The following CEP76 variants were observed in gnomAD, a reference collection of about 807,000 sequenced individuals.
CEP76 encodes the protein centrosomal protein of 76 kDa.
A neutral mutation model predicts 83.3 loss-of-function variants in CEP76; 55 were observed. That is an observed-to-expected ratio of 0.66 (90% CI 0.53 to 0.83). The LOEUF (loss-of-function observed/expected upper bound fraction) is 0.83. Ranked by LOEUF, CEP76 falls within the 40% of genes least tolerant of loss-of-function variation. CEP76 has a pLI of 0.00. For missense variants in CEP76, 694 were observed against 799.5 expected (o/e 0.87, Z 1.59); for synonymous variants, 270 against 274.5 (o/e 0.98, Z 0.16).
chr18:12,675,288 T>C (rs1013209490), intron 10 of CEP76, among the ~76,000 whole-genome samples: 2 of 151,900 alleles, frequency 1.3e-5, no homozygotes, highest in East Asian at 1.9e-4. Flanking sequence ...CCCAGCTACT[T>C]GGGAGGCTGA....
In CEP76 at chr18:12,691,453, T is replaced by C; in HGVS notation, c.839A>G (p.Glu280Gly). 1 of 1,605,916 alleles carries C rather than the reference T, an allele frequency of 6.2e-7. No individual in the cohort carries two copies. Among genetic ancestry groups the C allele is most frequent in the South Asian group, 1.1e-5 (1 of 88,780 alleles). The change falls in exon 7 of 12, where the codon GAG (glutamate) becomes GGG (glycine). Residue 280 changes from glutamate to glycine, a missense_variant. Transcript: ENST00000262127. The stretch of plus-strand genomic sequence containing the variant: ...CTTAGCATATACAAGAAATAATCGC[T>C]CTTTCTCTGCAGTTTTCTGACGTTC... ...ALERQKTAEK[E>G]RLFLVYAKQW...
chr18:12,688,493 G>A (rs1318250643), intron 7 of CEP76, among the ~76,000 whole-genome samples: 2 of 152,108 alleles, frequency 1.3e-5, no homozygotes, highest in Non-Finnish European at 2.9e-5. Context: ...AAGAAAAGAT[G>A]AGCACATAAG....
Position 12,697,427 on chromosome 18 carries a change from C to A in CEP76, c.521-19G>T. 3 of 1,535,114 alleles carry A rather than the reference C, an allele frequency of 2.0e-6. No individual in the cohort carries two copies. In the South Asian group the frequency reaches 3.6e-5, roughly 18 times the overall value. On this transcript the variant is annotated intron_variant, in intron 4 of 11. Coordinates refer to ENST00000262127, the MANE Select transcript of CEP76 (RefSeq NM_024899.4). ...CCATCACCTAGCAATATAATCCAAA[C>A]GAAATTATACCACACTACATATTCA...
chr18:12,689,356 C>T (rs1681368699), intron 7 of CEP76, among the ~76,000 whole-genome samples: 2 of 152,074 alleles, frequency 1.3e-5, no homozygotes, highest in African/African-American at 4.8e-5. Context: ...AAAGAGGTGG[C>T]ATAAACCAAA....
At chr18:12,696,232 G>A (rs113487925) in intron 5 of CEP76, among the ~76,000 whole-genome samples, 8,170 of 152,134 alleles carry the variant, frequency 0.054, 672 homozygotes, top group African/African-American at 0.18. Context: ...CTGGCTGGGC[G>A]CGGTGACTCA....
chr18:12,673,398 G>A lies in CEP76; in HGVS notation c.1947C>T (p.Ile649=). The A allele has an allele frequency of 6.2e-7, 1 of 1,606,384 alleles. No homozygotes were observed. The highest frequency in any genetic ancestry group is 8.5e-7 in the Non-Finnish European group (1 of 1,177,390). The stretch of plus-strand genomic sequence containing the variant: ...CCGAGCGATATTTACAAGCAAACAT[G>A]ATCCAAACAGCACATGCAGATTCAG... ...TYPESACAVW[I]MFACKYRSVL Residue 649 remains isoleucine, a synonymous_variant, in exon 12 of 12, where the codon ATC becomes ATT. Transcript: ENST00000262127.
At chr18:12,690,284 A>G (rs559895566) in intron 7 of CEP76, among the ~76,000 whole-genome samples, 1 of 152,322 alleles carries the variant, frequency 6.6e-6, no homozygotes, top group East Asian at 1.9e-4. Context: ...CTGTTCCAAA[A>G]TCTAGGGAAA....
At chr18:12,678,466 A>T in intron 9 of CEP76, 24 bp from the exon 10 acceptor site, 1 of 1,473,718 alleles carries the variant, frequency 6.8e-7, no homozygotes, top group Non-Finnish European at 9.2e-7. Context: ...ATAATTTTAT[A>T]TATGAGAACT....
chr18:12,674,457 AGG>A, intron 11 of CEP76, 77 bp downstream of exon 11: 1 of 996,864 alleles, frequency 1.0e-6, no homozygotes. Flanking sequence ...AAAAAAAAAA[AGG>A]AAATTAAAAA....
chr18:12,699,185 C>T lies in CEP76; in HGVS notation c.314G>A (p.Arg105Gln), dbSNP rs759808698. 45 of 1,612,616 alleles carry T rather than the reference C, an allele frequency of 2.8e-5. No homozygotes were observed. Among genetic ancestry groups the T allele is most frequent in the Non-Finnish European group, 3.6e-5 (43 of 1,178,916 alleles). The change falls in exon 4 of 12, where the codon CGG becomes CAG. Residue 105 changes from arginine to glutamine, a missense_variant. By Grantham distance (43) the Arg-to-Gln change is conservative. Coordinates refer to ENST00000262127, the MANE Select transcript of CEP76 (RefSeq NM_024899.4). ...TLKKTNIDPT[R>Q]RYLYLQVLGG... Reference sequence around the variant, plus strand: ...CAAAACCTGAAGGTAAAGATACCTCCGTGTTGGATCAATATTAGCTGTAAA... The same window carrying T: ...CAAAACCTGAAGGTAAAGATACCTCTGTGTTGGATCAATATTAGCTGTAAA...
In CEP76 at chr18:12,687,803, G is replaced by A. The variant is rs965394810; in HGVS notation, c.934-1353C>T. 1.3e-4 allele frequency among the ~76,000 whole-genome samples: 19 copies of A among 151,862 alleles called. 1 individual carries two copies. The highest frequency in any genetic ancestry group is 7.9e-4 in the Admixed American group (12 of 15,208). ...AGGATTATTATTCTAATTTTGGGGG[G>A]ATGTAGAGAACTATGGTTTTCTTTT... On this transcript the variant is annotated intron_variant, in intron 7 of 11. Transcript: ENST00000262127.
intron 6 of CEP76, among the ~76,000 whole-genome samples, chr18:12,694,034 T>C (rs569373631): frequency 3.2e-4 from 49 of 152,132 alleles, no homozygotes; most frequent in Non-Finnish European, 5.9e-4. Context: ...GGTCTCACTA[T>C]GTTGCCCAAG....
At chr18:12,690,876 T>C (rs2039729779) in intron 7 of CEP76, among the ~76,000 whole-genome samples, 1 of 152,110 alleles carries the variant, frequency 6.6e-6, no homozygotes, top group South Asian at 2.1e-4. Context: ...GTCACTGGCT[T>C]AGAAGTCGTG....
chr18:12,662,111 G>T, exon 13 of CEP76: 3 of 440,834 alleles, frequency 6.8e-6, no homozygotes, highest in South Asian at 3.3e-5. Flanking sequence ...CACCATCACT[G>T]TGCAGCCCAA....
Position 12,699,241 on chromosome 18 carries a change from ATAACT to A in CEP76, c.296-43_296-39del, listed in dbSNP as rs144512005. The A allele has an allele frequency of 8.9e-6, 12 of 1,355,494 alleles. No individual in the cohort carries two copies. The South Asian group carries it at 1.1e-4, about 13-fold the overall frequency. 84.0% of individuals were successfully genotyped at this position (1,355,494 alleles called of 1,614,324 possible). A position where few individuals can be genotyped will look rare whatever the true frequency, so the allele number is the denominator to read the frequency against. On this transcript the variant is annotated intron_variant, in intron 3 of 11. Transcript: ENST00000262127. ...GCAATATATATGAGGAAACTGCCAA[ATAACT>A]TAAAAGAATGTGATCAAGACATTAG...
chr18:12,694,862 C>A (rs751128607), intron 6 of CEP76, among the ~76,000 whole-genome samples: 1 of 152,040 alleles, frequency 6.6e-6, no homozygotes. Context: ...AGGTGCCTGC[C>A]ACCACGCCCG....
intron 8 of CEP76, among the ~76,000 whole-genome samples, chr18:12,681,690 C>G (rs183848286): frequency 1.0e-3 from 156 of 151,966 alleles, no homozygotes; most frequent in African/African-American, 3.5e-3. Context: ...AAAATACATA[C>G]ATAAGAAAAA....
At chr18:12,671,681 C>T (rs925270129), downstream of CEP76, among the ~76,000 whole-genome samples, 3 of 115,416 alleles carry the variant, frequency 2.6e-5, no homozygotes, top group Non-Finnish European at 4.9e-5. Flanking sequence ...CAGAGTCTTG[C>T]TCTGTCACCC....
intron 10 of CEP76, among the ~76,000 whole-genome samples, chr18:12,676,168 T>C (rs2144990375): frequency 1.3e-5 from 2 of 152,274 alleles, no homozygotes; most frequent in South Asian, 4.1e-4. Flanking sequence ...AACAATGCTT[T>C]TCCTGCGGCA....
Sources: allele counts gnomAD v4.1 joint callset (sites outside exome capture counted in the v4.1 genomes callset), GRCh38; gene constraint gnomAD v4.1.1; transcripts MANE v1.5; gene names NCBI Gene and HGNC (gene_info 2026-07-23, HGNC 2026-07-21).